The following GRID2 variants were observed in gnomAD, a reference collection of about 807,000 sequenced individuals.
The protein encoded by GRID2 is glutamate receptor ionotropic, delta-2.
A neutral mutation model predicts 114.8 loss-of-function variants in GRID2; 33 were observed. The ratio of observed to expected loss-of-function variants is 0.29; its 90% CI spans 0.22 to 0.38. The LOEUF is 0.38. Among genes scored for constraint, GRID2 ranks in the 10% least tolerant of loss-of-function variants. GRID2 has a pLI of 1.00. For missense variants in GRID2, 1,184 were observed against 1,257.7 expected, an observed-to-expected ratio of 0.94 and a Z score of 0.89; for synonymous variants, 505 against 449.9, an observed-to-expected ratio of 1.12 and a Z score of -1.55.
At chr4:93,096,328 A>C (rs1731223168) in intron 3 of GRID2, among the ~76,000 whole-genome samples, 2 of 152,052 alleles carry the variant, frequency 1.3e-5, no homozygotes, top group African/African-American at 4.8e-5. Context: ...CTTAGGTACC[A>C]AAAAGAACAT....
chr4:93,788,280 T>G (rs1287042065), intron 1 of GRID2, among the ~76,000 whole-genome samples: 1 of 151,564 alleles, frequency 6.6e-6, no homozygotes, highest in African/African-American at 2.4e-5. Context: ...ATCACACCAT[T>G]GCACTCCAGC....
At chr4:93,763,396 A>G (rs2110317730) in intron 14 of GRID2, among the ~76,000 whole-genome samples, 1 of 152,250 alleles carries the variant, frequency 6.6e-6, no homozygotes, top group African/African-American at 2.4e-5. Context: ...AAGATCAATT[A>G]AGTTATAGAG....
chr4:92,467,152 ATATTT>A (rs943602495), intron 1 of GRID2, among the ~76,000 whole-genome samples: 4 of 151,872 alleles, frequency 2.6e-5, no homozygotes, highest in Non-Finnish European at 4.4e-5. Context: ...GATTTACACA[ATATTT>A]TATTTGAAGT....
intron 11 of GRID2, among the ~76,000 whole-genome samples, chr4:93,477,121 G>A (rs1306267040): frequency 6.6e-6 from 1 of 151,994 alleles, no homozygotes; most frequent in Non-Finnish European, 1.5e-5. Flanking sequence ...CATGGTGGAG[G>A]GCAGAGGGGC....
intron 8 of GRID2, among the ~76,000 whole-genome samples, chr4:93,382,670 T>G (rs1763968826): frequency 6.6e-6 from 1 of 152,106 alleles, no homozygotes; most frequent in Admixed American, 6.6e-5. Context: ...TTTGAGCATC[T>G]TTATTACAGT....
chr4:92,393,058 G>T (rs747713187), intron 1 of GRID2, among the ~76,000 whole-genome samples: 16 of 152,146 alleles, frequency 1.1e-4, no homozygotes, highest in Non-Finnish European at 1.8e-4. Context: ...TTACTCATGG[G>T]GGAAGGTTAA....
intron 8 of GRID2, among the ~76,000 whole-genome samples, chr4:93,307,573 C>G (rs550351839): frequency 5.9e-5 from 9 of 152,242 alleles, no homozygotes; most frequent in African/African-American, 1.7e-4. Context: ...GATCTTGATG[C>G]AGATTCTTCC....
At chr4:93,690,952 TA>T (rs1339592843) in intron 14 of GRID2, among the ~76,000 whole-genome samples, 1 of 148,576 alleles carries the variant, frequency 6.7e-6, no homozygotes, top group Non-Finnish European at 1.5e-5. Context: ...ATAACATACA[TA>T]ATATATATAA....
At chr4:93,634,407 T>C (rs762062753) in intron 14 of GRID2, among the ~76,000 whole-genome samples, 1 of 152,140 alleles carries the variant, frequency 6.6e-6, no homozygotes, top group Non-Finnish European at 1.5e-5. Flanking sequence ...GTAGAGAAAC[T>C]AAAATTGAAT....
chr4:93,207,308 C>T (rs1020979456), intron 4 of GRID2, 96 bp from the exon 5 acceptor site: 35 of 842,442 alleles, frequency 4.2e-5, no homozygotes, highest in Middle Eastern at 2.3e-4. Context: ...TTCTAACATA[C>T]GATTCATTTT....
chr4:93,314,327 A>C (rs865819006), intron 8 of GRID2, among the ~76,000 whole-genome samples: 2 of 130,426 alleles, frequency 1.5e-5, no homozygotes, highest in African/African-American at 5.9e-5. Flanking sequence ...AAAAAAAAAA[A>C]AAGAAGAAGA....
chr4:93,619,093 T>C (rs187070976), intron 13 of GRID2, among the ~76,000 whole-genome samples: 63 of 152,324 alleles, frequency 4.1e-4, no homozygotes, highest in African/African-American at 1.4e-3. Flanking sequence ...ATATTCTTTT[T>C]GAAAGTTTGT....
intron 13 of GRID2, among the ~76,000 whole-genome samples, chr4:93,599,137 C>T (rs1225658342): frequency 6.6e-6 from 1 of 152,092 alleles, no homozygotes; most frequent in East Asian, 1.9e-4. Context: ...GGTCTGACAC[C>T]GAATAGAGTG....
At chr4:93,246,887 T>C (rs1161526115) in intron 8 of GRID2, among the ~76,000 whole-genome samples, 1 of 152,184 alleles carries the variant, frequency 6.6e-6, no homozygotes, top group Non-Finnish European at 1.5e-5. Flanking sequence ...AAGTATATTC[T>C]GTGGACCAAA....
At chr4:93,265,247 C>A (rs913047301) in intron 8 of GRID2, among the ~76,000 whole-genome samples, 2 of 151,958 alleles carry the variant, frequency 1.3e-5, no homozygotes, top group East Asian at 1.9e-4. Flanking sequence ...CATAAAAAAT[C>A]TGTTTTAAAA....
intron 14 of GRID2, among the ~76,000 whole-genome samples, chr4:93,660,363 G>T (rs1218606081): frequency 6.6e-6 from 1 of 152,118 alleles, no homozygotes; most frequent in Non-Finnish European, 1.5e-5. Flanking sequence ...TATTACAGGT[G>T]CTTGAAGTCA....
At chr4:93,128,453 A>G (rs1020869590) in intron 4 of GRID2, among the ~76,000 whole-genome samples, 6 of 152,222 alleles carry the variant, frequency 3.9e-5, no homozygotes, top group Admixed American at 1.3e-4. Context: ...CCAGTGGCTC[A>G]CAAGATAGTA....
intron 13 of GRID2, among the ~76,000 whole-genome samples, chr4:93,625,163 A>G (rs1434474997): frequency 1.3e-5 from 2 of 152,196 alleles, no homozygotes; most frequent in Non-Finnish European, 2.9e-5. Flanking sequence ...GCAAGATGAT[A>G]CCTATACTGA....
chr4:92,760,537 T>C (rs1737957491), intron 2 of GRID2, among the ~76,000 whole-genome samples: 1 of 152,104 alleles, frequency 6.6e-6, no homozygotes, highest in Non-Finnish European at 1.5e-5. Context: ...CAGGGTTGCT[T>C]CAGGGTTGCC....
Sources: allele counts gnomAD v4.1 joint callset (sites outside exome capture counted in the v4.1 genomes callset), GRCh38; gene constraint gnomAD v4.1.1; transcripts MANE v1.5; gene names NCBI Gene and HGNC (gene_info 2026-07-23, HGNC 2026-07-21).